The following ZNF423 variants were observed in gnomAD, a reference collection of about 807,000 sequenced individuals.
ZNF423 encodes Ebf-associated zinc finger protein.
A neutral mutation model predicts 95.8 loss-of-function variants in ZNF423; 12 were observed. The observed-to-expected ratio is 0.13, with a 90% CI of 0.08 to 0.20. The LOEUF is 0.20. ZNF423 is among the 10% of genes least tolerant of loss of function. ZNF423 has a pLI of 1.00. For synonymous variants in ZNF423, 749 were observed against 711.9 expected (o/e 1.05, Z -0.83); for missense variants, 1,316 against 1,737.1 (o/e 0.76, Z 4.31).
At chr16:49,575,751 T>C (rs55649126) in intron 5 of ZNF423, among the ~76,000 whole-genome samples, 3,541 of 152,316 alleles carry the variant, frequency 0.023, 52 homozygotes, top group Non-Finnish European at 0.025. Context: ...GCAAATCACC[T>C]GGAGCTCTTT....
chr16:49,724,241 C>T (rs576508724), intron 3 of ZNF423, among the ~76,000 whole-genome samples: 1 of 152,256 alleles, frequency 6.6e-6, no homozygotes, highest in Non-Finnish European at 1.5e-5. Context: ...GGGTTTGCTC[C>T]CTGGTTTTTA....
intron 7 of ZNF423, among the ~76,000 whole-genome samples, chr16:49,503,068 C>CA (rs145707757): frequency 6.6e-6 from 1 of 151,838 alleles, no homozygotes; most frequent in African/African-American, 2.4e-5. Context: ...AATCCCCCCC[C>CA]AGAAACACAC....
intron 1 of ZNF423, among the ~76,000 whole-genome samples, chr16:49,823,312 T>C (rs2034968188): frequency 6.6e-6 from 1 of 152,196 alleles, no homozygotes; most frequent in Admixed American, 6.5e-5. Flanking sequence ...AGCTCCCATT[T>C]ATCAATCACT....
At chr16:49,569,208 C>G (rs984625869) in intron 5 of ZNF423, among the ~76,000 whole-genome samples, 5 of 152,214 alleles carry the variant, frequency 3.3e-5, no homozygotes, top group African/African-American at 1.2e-4. Flanking sequence ...CAGTTTCCCC[C>G]CTTCCAGGGA....
chr16:49,570,535 G>C (rs1970323167), intron 5 of ZNF423, among the ~76,000 whole-genome samples: 1 of 152,114 alleles, frequency 6.6e-6, no homozygotes, highest in Non-Finnish European at 1.5e-5. Flanking sequence ...GTCAAGAGAG[G>C]TGCCTCCTAA....
chr16:49,534,268 T>A (rs935240270), intron 5 of ZNF423, among the ~76,000 whole-genome samples: 4 of 152,086 alleles, frequency 2.6e-5, no homozygotes, highest in Non-Finnish European at 4.4e-5. Context: ...TTTTGTTTGC[T>A]TTTGAGACCG....
chr16:49,523,764 G>A (rs752892627), intron 6 of ZNF423, 25 bp from the exon 7 acceptor site: 41 of 1,599,520 alleles, frequency 2.6e-5, no homozygotes, highest in Admixed American at 6.7e-5. Flanking sequence ...GGCTGTCAGG[G>A]CCAAGCTCAG....
chr16:49,599,112 C>G (rs373702470), intron 5 of ZNF423, among the ~76,000 whole-genome samples: 13 of 152,332 alleles, frequency 8.5e-5, no homozygotes, highest in African/African-American at 3.1e-4. Flanking sequence ...TAGACACACA[C>G]AGACATGCAC....
intron 5 of ZNF423, among the ~76,000 whole-genome samples, chr16:49,620,762 G>A (rs1301350376): frequency 1.3e-5 from 2 of 152,164 alleles, no homozygotes; most frequent in African/African-American, 4.8e-5. Context: ...TTATCTCAAG[G>A]ACAAGTTCTC....
intron 7 of ZNF423, among the ~76,000 whole-genome samples, chr16:49,495,283 G>A (rs752211): frequency 0.13 from 19,515 of 152,182 alleles, 1,583 homozygotes; most frequent in African/African-American, 0.23. Flanking sequence ...CTGTTTTGGG[G>A]GCCTCTGCCT....
At chr16:49,792,038 G>T (rs941926612) in intron 1 of ZNF423, among the ~76,000 whole-genome samples, 5 of 150,764 alleles carry the variant, frequency 3.3e-5, no homozygotes, top group Admixed American at 6.6e-5. Flanking sequence ...AAGTGGATCG[G>T]TGGTTGCCTG....
chr16:49,701,543 C>T (rs921401172), intron 3 of ZNF423, among the ~76,000 whole-genome samples: 1 of 152,052 alleles, frequency 6.6e-6, no homozygotes, highest in Non-Finnish European at 1.5e-5. Flanking sequence ...GATAATGAGA[C>T]GGCAGCGCGC....
At chr16:49,500,474 G>T (rs185926671) in intron 7 of ZNF423, among the ~76,000 whole-genome samples, 40 of 152,262 alleles carry the variant, frequency 2.6e-4, no homozygotes, top group African/African-American at 8.9e-4. Context: ...ATATGAATTA[G>T]TGCACAGTCC....
intron 5 of ZNF423, among the ~76,000 whole-genome samples, chr16:49,532,672 C>T (rs1018640378): frequency 1.3e-5 from 2 of 151,980 alleles, no homozygotes; most frequent in Admixed American, 6.5e-5. Context: ...TGTAGTCCTC[C>T]GAGGGTTGCC....
intron 4 of ZNF423, among the ~76,000 whole-genome samples, chr16:49,634,491 T>C (rs1972612829): frequency 6.6e-6 from 1 of 151,984 alleles, no homozygotes; most frequent in Non-Finnish European, 1.5e-5. Flanking sequence ...TGTGGGGTCC[T>C]CCCTTTACTC....
intron 1 of ZNF423, among the ~76,000 whole-genome samples, chr16:49,824,957 T>A (rs1285717455): frequency 6.6e-6 from 1 of 152,184 alleles, no homozygotes; most frequent in African/African-American, 2.4e-5. Flanking sequence ...AAATATTACG[T>A]GGAAATTACT....
At chr16:49,853,582 A>G in intron 1 of ZNF423, 1 of 956,890 alleles carries the variant, frequency 1.0e-6, no homozygotes, top group Non-Finnish European at 1.2e-6. Flanking sequence ...AAATGCCTCC[A>G]CTGGTCTCCT....
In ZNF423 at chr16:49,639,016, G is replaced by T. The variant is rs112554446; in HGVS notation, c.302-142C>A. 21 of 1,436,422 alleles carry T rather than the reference G, an allele frequency of 1.5e-5. No homozygotes were observed. In the African/African-American group the frequency reaches 2.2e-4, roughly 15 times the overall value. 89.0% of individuals were successfully genotyped at this position (1,436,422 alleles called of 1,614,324 possible). A position where few individuals can be genotyped will look rare whatever the true frequency, so the allele number is the denominator to read the frequency against. On this transcript the variant is annotated intron_variant, in intron 3 of 7. Transcript: ENST00000563137. ...CAGGGGGCTGTGGGGAGGGGCAGGGGCCGGAAGCAAGTGGACACCAGGGCC... is the reference window on the plus strand; with the variant it reads ...CAGGGGGCTGTGGGGAGGGGCAGGGTCCGGAAGCAAGTGGACACCAGGGCC...
intron 7 of ZNF423, among the ~76,000 whole-genome samples, chr16:49,498,230 T>A (rs1967240668): frequency 6.6e-6 from 1 of 152,168 alleles, no homozygotes; most frequent in South Asian, 2.1e-4. Flanking sequence ...ACTCTCATCC[T>A]CCCTATTTTA....
Sources: gnomAD v4.1 joint callset for allele counts (sites outside exome capture counted in the v4.1 genomes callset) on GRCh38, gnomAD v4.1.1 for gene constraint, MANE v1.5 for transcripts, NCBI Gene and HGNC (gene_info 2026-07-23, HGNC 2026-07-21) for gene names.